PLCZ1: variants seen among roughly 807,000 people sequenced by gnomAD.
PLCZ1 encodes 1-phosphatidylinositol 4,5-bisphosphate phosphodiesterase zeta-1.
PLCZ1 carries 64 observed loss-of-function variants against 76.8 expected under a neutral mutation model. The ratio of observed to expected loss-of-function variants is 0.83; its 90% CI spans 0.68 to 1.03. The LOEUF (loss-of-function observed/expected upper bound fraction) is 1.03. Ranked by LOEUF, PLCZ1 falls within the 50% of genes least tolerant of loss-of-function variation. The pLI is 0.00. For synonymous variants in PLCZ1, 248 were observed against 230.8 expected (o/e 1.07, Z -0.68); for missense variants, 751 against 713.7 (o/e 1.05, Z -0.60).
At chr12:18,732,954 A>G (rs1222293983) in intron 3 of PLCZ1, among the ~76,000 whole-genome samples, 1 of 152,196 alleles carries the variant, frequency 6.6e-6, no homozygotes, top group African/African-American at 2.4e-5. Context: ...CTTGATTTCA[A>G]TTCCTTTAGG....
At chr12:18,736,192 G>T in intron 3 of PLCZ1, 29 bp downstream of exon 3, 1 of 1,607,940 alleles carries the variant, frequency 6.2e-7, no homozygotes, top group African/African-American at 1.3e-5. Flanking sequence ...ACCTAGGATA[G>T]GATAGGCAGG....
the PLCZ1 span, among the ~76,000 whole-genome samples, chr12:18,667,223 C>T: frequency 6.6e-5 from 10 of 152,230 alleles, no homozygotes; most frequent in South Asian, 2.1e-4. Flanking sequence ...AGTTCAAATA[C>T]GTAAGTGAAT....
chr12:18,685,735 C>T (rs1953013298), intron 13 of PLCZ1: 5 of 470,206 alleles, frequency 1.1e-5, no homozygotes, highest in South Asian at 6.2e-5. Context: ...AAAACATCTG[C>T]AGAAATGTTT....
the PLCZ1 span, among the ~76,000 whole-genome samples, chr12:18,650,347 A>ATATATATATG: frequency 5.2e-5 from 6 of 114,542 alleles, no homozygotes; most frequent in African/African-American, 9.9e-5. Context: ...ATATATATAT[A>ATATATATATG]TGTGTGTGTG....
At chr12:18,687,490 G>C (rs1159064257) in intron 13 of PLCZ1, among the ~76,000 whole-genome samples, 1 of 152,064 alleles carries the variant, frequency 6.6e-6, no homozygotes, top group Non-Finnish European at 1.5e-5. Flanking sequence ...TTCAACCTCA[G>C]AGAAGAAATG....
At chr12:18,724,045 G>A (rs1400372634) in intron 3 of PLCZ1, among the ~76,000 whole-genome samples, 1 of 152,084 alleles carries the variant, frequency 6.6e-6, no homozygotes, top group Non-Finnish European at 1.5e-5. Context: ...GTTCCAATAA[G>A]AAAGAGTGGA....
chr12:18,714,072 C>A (rs991145025), intron 5 of PLCZ1, among the ~76,000 whole-genome samples: 1 of 152,084 alleles, frequency 6.6e-6, no homozygotes, highest in African/African-American at 2.4e-5. Context: ...ATCTTCATAC[C>A]CAGCCCAGAG....
intron 3 of PLCZ1, 56 bp downstream of exon 3, chr12:18,736,165 A>C: frequency 6.4e-7 from 1 of 1,574,564 alleles, no homozygotes; most frequent in South Asian, 1.1e-5. Context: ...ACAATTACTG[A>C]CATTGGATTA....
At chr12:18,709,594 C>T (rs1957047714) in intron 6 of PLCZ1, among the ~76,000 whole-genome samples, 1 of 151,668 alleles carries the variant, frequency 6.6e-6, no homozygotes, top group African/African-American at 2.4e-5. Context: ...TAAATCTGTA[C>T]ACTGTAGCCT....
chr12:18,651,344 G>A, the PLCZ1 span, among the ~76,000 whole-genome samples: 3,961 of 152,148 alleles, frequency 0.026, 148 homozygotes, highest in East Asian at 0.19. Context: ...GTTGCAAGCT[G>A]CCCTGTCCCT....
chr12:18,711,453 G>A (rs1258710649), intron 6 of PLCZ1, among the ~76,000 whole-genome samples: 3 of 150,326 alleles, frequency 2.0e-5, no homozygotes, highest in Non-Finnish European at 1.5e-5. Flanking sequence ...GTTAGTGGGT[G>A]CAGCACACCA....
intron 2 of PLCZ1, chr12:18,736,552 A>T: frequency 7.9e-7 from 1 of 1,260,446 alleles, no homozygotes; most frequent in Non-Finnish European, 1.0e-6. Flanking sequence ...GGCATAGCAC[A>T]GTAAAAATAC....
chr12:18,713,081 A>G, intron 5 of PLCZ1, 95 bp from the exon 6 acceptor site: 1 of 1,437,796 alleles, frequency 7.0e-7, no homozygotes, highest in Non-Finnish European at 9.6e-7. Context: ...TGATTTTATA[A>G]TAAATGCATA....
chr12:18,648,465 T>G, the PLCZ1 span: 1 of 187,594 alleles, frequency 5.3e-6, no homozygotes, highest in Admixed American at 6.2e-5. Context: ...TTATATATAC[T>G]TATACCTACT....
intron 2 of PLCZ1, 66 bp from the exon 3 acceptor site, chr12:18,736,410 A>G: frequency 6.6e-7 from 1 of 1,513,222 alleles, no homozygotes; most frequent in South Asian, 1.2e-5. Context: ...ATTCCTAAAG[A>G]AACATTTGAT....
chr12:18,694,277 T>C (rs922696714), intron 12 of PLCZ1, among the ~76,000 whole-genome samples: 3 of 152,146 alleles, frequency 2.0e-5, no homozygotes, highest in Admixed American at 1.3e-4. Flanking sequence ...TGTTGGTCAC[T>C]GTGCAGCAGT....
At chr12:18,694,406 A>C (rs1954630087) in intron 12 of PLCZ1, among the ~76,000 whole-genome samples, 1 of 152,216 alleles carries the variant, frequency 6.6e-6, no homozygotes, top group African/African-American at 2.4e-5. Context: ...GAAGACAGAT[A>C]CTGGAGAAAG....
At chr12:18,666,595 GA>G in the PLCZ1 span, among the ~76,000 whole-genome samples, 428 of 152,244 alleles carry the variant, frequency 2.8e-3, 3 homozygotes, top group African/African-American at 9.5e-3. Flanking sequence ...ATTGAAGAAA[GA>G]AACAGATAGT....
the PLCZ1 span, among the ~76,000 whole-genome samples, chr12:18,669,408 T>C: frequency 1.3e-5 from 2 of 152,226 alleles, no homozygotes; most frequent in Non-Finnish European, 2.9e-5. Flanking sequence ...ATAATTATCC[T>C]CACTTTAAAT....
Sources: allele counts gnomAD v4.1 joint callset (sites outside exome capture counted in the v4.1 genomes callset), GRCh38; gene constraint gnomAD v4.1.1; transcripts MANE v1.5; gene names NCBI Gene and HGNC (gene_info 2026-07-23, HGNC 2026-07-21).